CSMD1: variants seen among roughly 807,000 people sequenced by gnomAD.
The protein encoded by CSMD1 is CUB and sushi domain-containing protein 1.
CSMD1 carries 213 observed loss-of-function variants against 417.5 expected under a neutral mutation model. The ratio of observed to expected loss-of-function variants is 0.51; its 90% CI spans 0.46 to 0.57. CSMD1 has a LOEUF of 0.57. CSMD1 is among the 20% of genes least tolerant of loss of function. The pLI is 0.00. For synonymous variants in CSMD1, 2,862 were observed against 1,736.8 expected, an observed-to-expected ratio of 1.65 and a Z score of -16.11; for missense variants, 6,923 against 4,529.7, an observed-to-expected ratio of 1.53 and a Z score of -15.17.
chr8:3,069,187 G>C (rs893840753), intron 49 of CSMD1, among the ~76,000 whole-genome samples: 1 of 152,134 alleles, frequency 6.6e-6, no homozygotes. Flanking sequence ...TGTAATCTCA[G>C]CACTTTGGTA....
chr8:4,074,969 C>A (rs1307681924), intron 3 of CSMD1, among the ~76,000 whole-genome samples: 1 of 152,104 alleles, frequency 6.6e-6, no homozygotes, highest in African/African-American at 2.4e-5. Context: ...TTGAGTCTGC[C>A]TTCCCTAATG....
chr8:3,592,802 C>T (rs916306984), intron 8 of CSMD1, among the ~76,000 whole-genome samples: 1 of 152,178 alleles, frequency 6.6e-6, no homozygotes, highest in African/African-American at 2.4e-5. Context: ...AAGTTACAGA[C>T]TTCCAAATTC....
At chr8:4,402,142 T>C (rs1804687603) in intron 3 of CSMD1, among the ~76,000 whole-genome samples, 1 of 152,156 alleles carries the variant, frequency 6.6e-6, no homozygotes, top group African/African-American at 2.4e-5. Flanking sequence ...ATTAGTCATA[T>C]GGTCAGAGAC....
intron 23 of CSMD1, among the ~76,000 whole-genome samples, chr8:3,328,043 C>T (rs996339284): frequency 2.0e-5 from 3 of 152,172 alleles, no homozygotes; most frequent in Admixed American, 6.5e-5. Flanking sequence ...CTACCCTGTC[C>T]GTCTAAAGCA....
chr8:4,500,507 T>C (rs903873672), intron 2 of CSMD1, among the ~76,000 whole-genome samples: 2 of 152,092 alleles, frequency 1.3e-5, no homozygotes, highest in Non-Finnish European at 2.9e-5. Context: ...TTTGTGTAAA[T>C]TGAAGCATTT....
At chr8:3,859,157 C>G (rs1462072080) in intron 5 of CSMD1, among the ~76,000 whole-genome samples, 1 of 152,218 alleles carries the variant, frequency 6.6e-6, no homozygotes, top group Non-Finnish European at 1.5e-5. Flanking sequence ...AGGCATAGCA[C>G]TGTGCCAGAC....
intron 1 of CSMD1, among the ~76,000 whole-genome samples, chr8:4,726,784 T>G (rs1809488530): frequency 6.6e-6 from 1 of 152,200 alleles, no homozygotes; most frequent in African/African-American, 2.4e-5. Flanking sequence ...TGGCTTGTAT[T>G]AAAAATTGCA....
chr8:3,970,754 T>TTTTTTG (rs890776075), intron 5 of CSMD1, among the ~76,000 whole-genome samples: 1 of 152,042 alleles, frequency 6.6e-6, no homozygotes, highest in Non-Finnish European at 1.5e-5. Flanking sequence ...TGTTTTTTGT[T>TTTTTTG]TTTTTGTTTT....
chr8:4,768,347 G>C (rs967288217), intron 1 of CSMD1, among the ~76,000 whole-genome samples: 17 of 151,958 alleles, frequency 1.1e-4, no homozygotes, highest in Admixed American at 1.1e-3. Context: ...GGTACACAGA[G>C]GAAGACAAGT....
intron 3 of CSMD1, among the ~76,000 whole-genome samples, chr8:4,244,875 T>A (rs1802611234): frequency 6.6e-6 from 1 of 152,172 alleles, no homozygotes; most frequent in East Asian, 1.9e-4. Context: ...CTAGGGATAT[T>A]AAACTCCTGA....
At position 4,266,802 on chromosome 8, in the gene CSMD1, A is replaced by T. The variant is rs1329422537; in HGVS notation, c.415+153151T>A. The stretch of plus-strand genomic sequence containing the variant: ...CACAGAGAATCTAGATGAAAACTTA[A>T]ATAGTGGATTGTGATGACTTTTCAT... On this transcript the variant is annotated intron_variant, in intron 3 of 69. Coordinates refer to ENST00000635120, the MANE Select transcript of CSMD1 (RefSeq NM_033225.6). 1.9e-5 allele frequency among the ~76,000 whole-genome samples: 2 copies of T among 104,768 alleles called. 1 individual carries two copies. The allele number at this position is 104,768 out of a possible 152,430, so 68.7% of individuals were successfully genotyped here.
At chr8:4,149,624 A>G (rs1257355370) in intron 3 of CSMD1, among the ~76,000 whole-genome samples, 1 of 152,228 alleles carries the variant, frequency 6.6e-6, no homozygotes, top group Non-Finnish European at 1.5e-5. Context: ...TTCTGTCTGT[A>G]GAATCATCCT....
intron 2 of CSMD1, among the ~76,000 whole-genome samples, chr8:4,430,919 T>C (rs978451770): frequency 6.6e-6 from 1 of 152,188 alleles, no homozygotes; most frequent in Non-Finnish European, 1.5e-5. Context: ...CCATAAATTA[T>C]CTTAACAGTG....
At chr8:4,185,883 C>G (rs1798646114) in intron 3 of CSMD1, among the ~76,000 whole-genome samples, 1 of 152,192 alleles carries the variant, frequency 6.6e-6, no homozygotes, top group Admixed American at 6.5e-5. Flanking sequence ...GTACTAAGAT[C>G]ACGGCTTTCC....
intron 25 of CSMD1, among the ~76,000 whole-genome samples, chr8:3,292,712 A>T (rs534763552): frequency 6.6e-6 from 1 of 152,122 alleles, no homozygotes; most frequent in African/African-American, 2.4e-5. Context: ...TTTTGAGCCT[A>T]TGTGTGTCTC....
intron 25 of CSMD1, among the ~76,000 whole-genome samples, chr8:3,306,304 G>C (rs545252416): frequency 7.2e-4 from 109 of 152,258 alleles, no homozygotes; most frequent in African/African-American, 2.6e-3. Flanking sequence ...ATCCTGAGTA[G>C]CTGGGATTAC....
rs182851727 is a variant in CSMD1 at position 3,885,427 on chromosome 8, T to C, written c.818+112476A>G. On this transcript the variant is annotated intron_variant, in intron 5 of 69. Coordinates refer to ENST00000635120, the MANE Select transcript of CSMD1 (RefSeq NM_033225.6). ...ATGAGGACAATATCCCATCACAGGA[T>C]GCTATCAATTATTTGAAAAAAGCTG... 1.4e-3 allele frequency among the ~76,000 whole-genome samples: 212 copies of C among 152,276 alleles called. 1 individual carries two copies. In the South Asian group the frequency reaches 0.014, roughly 10 times the overall value.
chr8:3,842,722 T>G (rs1435504877), intron 5 of CSMD1, among the ~76,000 whole-genome samples: 1 of 152,080 alleles, frequency 6.6e-6, no homozygotes, highest in African/African-American at 2.4e-5. Context: ...GCAAAAAATG[T>G]GTCAAGATTA....
intron 6 of CSMD1, among the ~76,000 whole-genome samples, chr8:3,714,973 TAATA>T (rs1019256639): frequency 4.6e-5 from 7 of 152,318 alleles, no homozygotes; most frequent in African/African-American, 4.8e-5. Context: ...ATTTACACTA[TAATA>T]AATTATTTTC....
Sources: allele counts gnomAD v4.1 joint callset (sites outside exome capture counted in the v4.1 genomes callset), GRCh38; gene constraint gnomAD v4.1.1; transcripts MANE v1.5; gene names NCBI Gene and HGNC (gene_info 2026-07-23, HGNC 2026-07-21).